FAM13A: variants seen among roughly 807,000 people sequenced by gnomAD.
The protein encoded by FAM13A is protein FAM13A.
A neutral mutation model predicts 129.6 loss-of-function variants in FAM13A; 76 were observed. That is an observed-to-expected ratio of 0.59 (90% CI 0.49 to 0.71). The LOEUF (loss-of-function observed/expected upper bound fraction) is 0.71. Among genes scored for constraint, FAM13A ranks in the 30% least tolerant of loss-of-function variants. FAM13A has a pLI of 0.00. For synonymous variants in FAM13A, 443 were observed against 449.9 expected (o/e 0.98, Z 0.20); for missense variants, 1,108 against 1,249.3 (o/e 0.89, Z 1.70).
intron 21 of FAM13A, 93 bp downstream of exon 21, chr4:88,737,379 C>T: frequency 9.3e-7 from 1 of 1,077,588 alleles, no homozygotes; most frequent in Non-Finnish European, 1.4e-6. Flanking sequence ...ACCAAAAGGC[C>T]CGATCACACC....
At chr4:88,982,144 T>C (rs1208206290) in intron 4 of FAM13A, among the ~76,000 whole-genome samples, 3 of 152,208 alleles carry the variant, frequency 2.0e-5, no homozygotes, top group African/African-American at 7.2e-5. Flanking sequence ...ATACAAGTAC[T>C]AAGTTGAAGA....
At chr4:88,732,318 A>C in intron 21 of FAM13A, 120 bp from the exon 22 acceptor site, 1 of 664,810 alleles carries the variant, frequency 1.5e-6, no homozygotes, top group African/African-American at 1.8e-5. Context: ...CTGTATCTAC[A>C]TTTAGCAACA....
intron 1 of FAM13A, among the ~76,000 whole-genome samples, chr4:89,037,215 T>C (rs956786143): frequency 6.6e-6 from 1 of 152,224 alleles, no homozygotes; most frequent in African/African-American, 2.4e-5. Context: ...TGAGGTGCTG[T>C]ACCCTATAGA....
chr4:88,774,696 A>G (rs1260808486), intron 11 of FAM13A, among the ~76,000 whole-genome samples: 3 of 152,226 alleles, frequency 2.0e-5, no homozygotes, highest in Middle Eastern at 3.2e-3. Flanking sequence ...ACTAATTACA[A>G]TAAGAGCCTC....
intron 5 of FAM13A, among the ~76,000 whole-genome samples, chr4:88,920,064 G>C (rs1005028950): frequency 6.6e-6 from 1 of 152,234 alleles, no homozygotes; most frequent in African/African-American, 2.4e-5. Context: ...ACTGGGTGGA[G>C]GCCACCACAG....
chr4:88,890,751 T>G (rs1297274543), intron 6 of FAM13A, among the ~76,000 whole-genome samples: 1 of 152,018 alleles, frequency 6.6e-6, no homozygotes, highest in African/African-American at 2.4e-5. Flanking sequence ...TAGACAAATT[T>G]CTAGCATGCC....
At chr4:88,836,377 T>A (rs975179461) in intron 7 of FAM13A, among the ~76,000 whole-genome samples, 1 of 152,184 alleles carries the variant, frequency 6.6e-6, no homozygotes. Flanking sequence ...ATAGCAGAAA[T>A]TCTCAAATTA....
At chr4:88,983,416 A>G (rs1280257581) in intron 4 of FAM13A, among the ~76,000 whole-genome samples, 1 of 152,180 alleles carries the variant, frequency 6.6e-6, no homozygotes, top group Non-Finnish European at 1.5e-5. Flanking sequence ...ATATGAGGAA[A>G]AAGACAGATG....
At chr4:88,885,750 A>G (rs895232299) in intron 6 of FAM13A, among the ~76,000 whole-genome samples, 1 of 152,182 alleles carries the variant, frequency 6.6e-6, no homozygotes, top group African/African-American at 2.4e-5. Flanking sequence ...AATCTTTGTA[A>G]TCTATACATC....
chr4:88,781,940 T>C (rs1326701295), intron 10 of FAM13A, among the ~76,000 whole-genome samples: 1 of 150,988 alleles, frequency 6.6e-6, no homozygotes, highest in Non-Finnish European at 1.5e-5. Context: ...TGTATACATA[T>C]GTAACAAACC....
chr4:88,802,488 T>C, intron 8 of FAM13A, among the ~76,000 whole-genome samples: 1 of 152,216 alleles, frequency 6.6e-6, no homozygotes, highest in Middle Eastern at 3.4e-3. Flanking sequence ...AGAATAAAAA[T>C]ATGAGTGTGT....
chr4:88,844,768 G>A (rs1018000127), intron 7 of FAM13A, among the ~76,000 whole-genome samples: 4 of 152,172 alleles, frequency 2.6e-5, no homozygotes, highest in Non-Finnish European at 1.5e-5. Flanking sequence ...TTTAAACTCC[G>A]TGTCTACAGA....
intron 1 of FAM13A, among the ~76,000 whole-genome samples, chr4:89,050,137 A>G (rs2149180170): frequency 6.6e-6 from 1 of 152,356 alleles, no homozygotes; most frequent in Admixed American, 6.5e-5. Context: ...GAGTGTAGTC[A>G]GTGACGAAAA....
In FAM13A at chr4:89,048,504, T is replaced by C. The variant is rs757315727; in HGVS notation, c.27+8434A>G. Among the ~76,000 whole-genome samples the C allele has an allele frequency of 3.3e-4, 50 of 152,076 alleles. 1 individual carries two copies. The highest frequency in any genetic ancestry group is 3.7e-4 in the Non-Finnish European group (25 of 68,010). On this transcript the variant is annotated intron_variant, in intron 1 of 23. Coordinates refer to ENST00000264344, the MANE Select transcript of FAM13A (RefSeq NM_014883.4). The stretch of plus-strand genomic sequence containing the variant: ...GGAATGTTCTAGAAATGGATTTTGG[T>C]GATGCTTGCACAATTGGTCAATTTA...
At chr4:88,822,858 A>G in intron 7 of FAM13A, 1 of 1,435,824 alleles carries the variant, frequency 7.0e-7, no homozygotes, top group Non-Finnish European at 9.3e-7. Flanking sequence ...CATATGTACA[A>G]CGGACTCTAC....
At chr4:88,947,383 T>C (rs1301669075) in intron 4 of FAM13A, among the ~76,000 whole-genome samples, 1 of 152,116 alleles carries the variant, frequency 6.6e-6, no homozygotes, top group Non-Finnish European at 1.5e-5. Flanking sequence ...CATTCTAACT[T>C]GGGTGACAGA....
rs1477416442 is a variant in FAM13A at position 89,020,563 on chromosome 4, A to T, written c.324T>A (p.Gly108=). The T allele has an allele frequency of 6.8e-6, 11 of 1,614,102 alleles. No individual in the cohort carries two copies. The highest frequency in any genetic ancestry group is 9.3e-6 in the Non-Finnish European group (11 of 1,179,990). ...SGVPVELGKD[G]DVCSAASLLK... ...ACAGACTGGCTGCTGAGCAGACATC[A>T]CCGTCCTTCCCGAGCTCCACGGGCA... Residue 108 remains glycine (G), a synonymous_variant, in exon 3 of 24, where the codon GGT becomes GGA. Coordinates refer to ENST00000264344, the MANE Select transcript of FAM13A (RefSeq NM_014883.4).
At chr4:88,800,556 G>A (rs1222204898) in intron 8 of FAM13A, among the ~76,000 whole-genome samples, 1 of 151,386 alleles carries the variant, frequency 6.6e-6, no homozygotes, top group Non-Finnish European at 1.5e-5. Flanking sequence ...GTAGTGGCGG[G>A]TGCCTGTAAT....
intron 6 of FAM13A, among the ~76,000 whole-genome samples, chr4:88,864,534 G>A (rs1048001314): frequency 8.6e-5 from 13 of 151,548 alleles, no homozygotes; most frequent in South Asian, 2.1e-4. Flanking sequence ...TCAGCCTCCC[G>A]AGTAGCTGGG....
Sources: gnomAD v4.1 joint callset for allele counts (sites outside exome capture counted in the v4.1 genomes callset) on GRCh38, gnomAD v4.1.1 for gene constraint, MANE v1.5 for transcripts, NCBI Gene and HGNC (gene_info 2026-07-23, HGNC 2026-07-21) for gene names.